Variants in EZR observed in about 807,000 individuals in gnomAD.
EZR encodes ezrin.
In EZR, 40 loss-of-function variants were observed where a neutral mutation model predicts 74.8. The ratio of observed to expected loss-of-function variants is 0.53; its 90% CI spans 0.42 to 0.70. The LOEUF is 0.70. Ranked by LOEUF, EZR falls within the 30% of genes least tolerant of loss-of-function variation. EZR has a pLI of 0.00. For missense variants in EZR, 678 were observed against 755.8 expected (o/e 0.90, Z 1.21); for synonymous variants, 341 against 283.3 (o/e 1.20, Z -2.05).
chr6:158,814,044 A>G (rs1182403641), intron 2 of EZR, among the ~76,000 whole-genome samples: 2 of 152,114 alleles, frequency 1.3e-5, no homozygotes, highest in Non-Finnish European at 2.9e-5. Flanking sequence ...TCCGGGACCA[A>G]TGATCTGAGC....
chr6:158,767,407 G>A lies in EZR; in HGVS notation c.1450C>T (p.His484Tyr), dbSNP rs988578005. Residue 484 changes from histidine to tyrosine, a missense_variant, in exon 13 of 14, where the codon CAT (histidine) becomes TAT (tyrosine). His to Tyr is a moderately conservative substitution (Grantham distance 83). Around this residue, in one of 3 missense-constraint regions of EZR, gnomAD observed 342 missense variants for 341.2 expected, o/e 1.00. Coordinates refer to ENST00000367075, the MANE Select transcript of EZR (RefSeq NM_001111077.2). ...TCATCCTGCAAGCTCTCCTGGACAT[G>A]GTAGCTCACCGGCTCGTACACGGGG... Reference protein sequence around the residue: ...PPPVYEPVSYHVQESLQDEGA... With the variant: ...PPPVYEPVSYYVQESLQDEGA... 6.2e-7 allele frequency: 1 copy of A among 1,614,002 alleles called. No individual in the cohort carries two copies. The highest frequency in any genetic ancestry group is 8.5e-7 in the Non-Finnish European group (1 of 1,179,938).
chr6:158,787,301 C>T, intron 3 of EZR, 98 bp from the exon 4 acceptor site: 1 of 890,184 alleles, frequency 1.1e-6, no homozygotes, highest in Non-Finnish European at 1.8e-6. Context: ...GCAGAGTCCC[C>T]AGGAAACCAG....
At chr6:158,817,939 C>G (rs951455140) in intron 2 of EZR, 143 bp downstream of exon 2, 1 of 673,748 alleles carries the variant, frequency 1.5e-6, no homozygotes, top group East Asian at 2.9e-5. Context: ...CAAAGAGCGG[C>G]GAAAACCTCC....
chr6:158,767,558 A>G lies in EZR; in HGVS notation c.1345-46T>C, dbSNP rs1487724003. The stretch of plus-strand genomic sequence containing the variant: ...AGAGGACTTCTCACCCAGAAGTCCT[A>G]TCCTCCTGGCTATGAGAACAGACTG... On this transcript the variant is annotated intron_variant, in intron 12 of 13. Coordinates refer to ENST00000367075, the MANE Select transcript of EZR (RefSeq NM_001111077.2). 4 of 1,532,032 alleles carry G rather than the reference A, an allele frequency of 2.6e-6. No homozygotes were observed. The South Asian group carries it at 3.8e-5, about 15-fold the overall frequency. The allele number at this position is 1,532,032 out of a possible 1,614,324, so 94.9% of individuals were successfully genotyped here. A position where few individuals can be genotyped will look rare whatever the true frequency, so the allele number is the denominator to read the frequency against.
intron 9 of EZR, 22 bp from the exon 10 acceptor site, chr6:158,770,916 A>G: frequency 6.2e-7 from 1 of 1,614,138 alleles, no homozygotes; most frequent in Non-Finnish European, 8.5e-7. Flanking sequence ...AAAAAGAGGC[A>G]CAGGGAGATT....
At chr6:158,797,569 G>A (rs529115838) in intron 2 of EZR, among the ~76,000 whole-genome samples, 1 of 152,122 alleles carries the variant, frequency 6.6e-6, no homozygotes, top group East Asian at 1.9e-4. Flanking sequence ...TTCTTCCGAA[G>A]GTGCCACTTC....
chr6:158,780,846 G>GT (rs1791415842), intron 7 of EZR, among the ~76,000 whole-genome samples: 1 of 152,136 alleles, frequency 6.6e-6, no homozygotes, highest in African/African-American at 2.4e-5. Flanking sequence ...GCGCTTACCT[G>GT]TTTTTGCCCT....
intron 2 of EZR, among the ~76,000 whole-genome samples, chr6:158,806,042 C>CA (rs549709022): frequency 2.3e-4 from 35 of 152,224 alleles, no homozygotes; most frequent in Non-Finnish European, 4.6e-4. Context: ...ATGGGCCCCC[C>CA]AAAACATTGG....
At chr6:158,798,737 T>C (rs1324917914) in intron 2 of EZR, among the ~76,000 whole-genome samples, 2 of 151,106 alleles carry the variant, frequency 1.3e-5, no homozygotes, top group African/African-American at 4.9e-5. Flanking sequence ...GTTCAAGAGA[T>C]TCTCCCACCT....
chr6:158,774,518 G>A (rs745845303), intron 8 of EZR, among the ~76,000 whole-genome samples: 4 of 151,810 alleles, frequency 2.6e-5, no homozygotes, highest in Non-Finnish European at 5.9e-5. Flanking sequence ...CTGGGACAGC[G>A]TGCCACCAGC....
At chr6:158,776,574 G>T in intron 7 of EZR, 70 bp from the exon 8 acceptor site, 1 of 1,076,870 alleles carries the variant, frequency 9.3e-7, no homozygotes, top group Non-Finnish European at 1.4e-6. Context: ...AGAGAGATTC[G>T]CAAATCAATT....
Position 158,766,630 on chromosome 6 carries a change from A to G in EZR, c.*284T>C. ...GCATGAAGTTTCTTACTCAGACTTT[A>G]CAGGCATTTTCCGTAATTCAATCAG... On this transcript the variant is annotated 3_prime_UTR_variant, in exon 14 of 14. Coordinates refer to ENST00000367075, the MANE Select transcript of EZR (RefSeq NM_001111077.2). 2 of 382,506 alleles carry G rather than the reference A, an allele frequency of 5.2e-6. No homozygotes were observed. The highest frequency in any genetic ancestry group is 4.7e-6 in the Non-Finnish European group (1 of 213,378). 23.7% of individuals were successfully genotyped at this position (382,506 alleles called of 1,614,324 possible). A position where few individuals can be genotyped will look rare whatever the true frequency, so the allele number is the denominator to read the frequency against.
At chr6:158,788,255 G>C (rs1463946235) in intron 3 of EZR, 3 of 152,196 alleles carry the variant, frequency 2.0e-5, no homozygotes, top group Non-Finnish European at 4.4e-5. Flanking sequence ...GAAGGGTGCA[G>C]GGAGGCCAGA....
intron 2 of EZR, among the ~76,000 whole-genome samples, chr6:158,797,243 G>C (rs535378410): frequency 6.6e-6 from 1 of 152,170 alleles, no homozygotes; most frequent in Admixed American, 6.5e-5. Context: ...CAACCCTTGA[G>C]TCTTAGACAA....
intron 2 of EZR, among the ~76,000 whole-genome samples, chr6:158,812,066 A>C (rs1478364233): frequency 1.3e-5 from 2 of 151,836 alleles, no homozygotes; most frequent in East Asian, 1.9e-4. Context: ...CTGTTACTGG[A>C]CTCCCTGCAG....
intron 12 of EZR, among the ~76,000 whole-genome samples, chr6:158,768,109 G>C (rs1035422420): frequency 6.6e-6 from 1 of 151,998 alleles, no homozygotes; most frequent in South Asian, 2.1e-4. Context: ...TGCTGGGGGT[G>C]GGGGGCATTA....
intron 2 of EZR, among the ~76,000 whole-genome samples, chr6:158,791,805 TTCCTGCCATTC>T (rs1791756496): frequency 2.1e-5 from 3 of 140,830 alleles, no homozygotes; most frequent in Admixed American, 1.5e-4. Flanking sequence ...GCCTCCCAGG[TTCCTGCCATTC>T]TCCTGCCTTA....
At chr6:158,802,947 A>G (rs1180119768) in intron 2 of EZR, among the ~76,000 whole-genome samples, 2 of 151,040 alleles carry the variant, frequency 1.3e-5, no homozygotes, top group East Asian at 3.8e-4. Context: ...TCCTGACACC[A>G]CAGGGAAGCA....
intron 2 of EZR, among the ~76,000 whole-genome samples, chr6:158,803,581 AC>A (rs1309867002): frequency 0.23 from 9,283 of 40,894 alleles, 1,323 homozygotes; most frequent in Non-Finnish European, 0.24. Context: ...ATATATATAT[AC>A]ATATATATAT....
Sources: gnomAD v4.1 joint callset for allele counts (sites outside exome capture counted in the v4.1 genomes callset) on GRCh38, gnomAD v4.1.1 for gene constraint, gnomAD v4.1.1 regional missense constraint, MANE v1.5 for transcripts, NCBI Gene and HGNC (gene_info 2026-07-23, HGNC 2026-07-21) for gene names.